Variants in TENM2 observed in about 807,000 individuals in gnomAD.
TENM2 encodes the protein teneurin-2.
A neutral mutation model predicts 245.2 loss-of-function variants in TENM2; 52 were observed. That is an observed-to-expected ratio of 0.21 (90% CI 0.17 to 0.27). The LOEUF (loss-of-function observed/expected upper bound fraction) is 0.27. TENM2 is among the 10% of genes least tolerant of loss of function. The pLI, the probability that TENM2 is intolerant of heterozygous loss-of-function variation, is 1.00. For missense variants in TENM2, 3,046 were observed against 3,666.8 expected (o/e 0.83, Z 4.37); for synonymous variants, 1,363 against 1,438.9 (o/e 0.95, Z 1.19).
At chr5:167,476,475 T>C (rs1244161208) in intron 2 of TENM2, among the ~76,000 whole-genome samples, 1 of 152,230 alleles carries the variant, frequency 6.6e-6, no homozygotes, top group Non-Finnish European at 1.5e-5. Context: ...CAGAAAGGTC[T>C]TGAAGTGTTG....
intron 2 of TENM2, among the ~76,000 whole-genome samples, chr5:167,584,212 A>C (rs1364612894): frequency 3.3e-5 from 5 of 152,242 alleles, no homozygotes; most frequent in Non-Finnish European, 4.4e-5. Context: ...GCATAGATTT[A>C]TTGAGACAAA....
At chr5:168,069,835 G>A (rs1185598830) in intron 7 of TENM2, among the ~76,000 whole-genome samples, 1 of 152,140 alleles carries the variant, frequency 6.6e-6, no homozygotes, top group Non-Finnish European at 1.5e-5. Context: ...ATCAAGTCAA[G>A]GAGAATGGTG....
At chr5:167,760,753 A>T (rs1762609736) in intron 2 of TENM2, among the ~76,000 whole-genome samples, 1 of 152,138 alleles carries the variant, frequency 6.6e-6, no homozygotes, top group Non-Finnish European at 1.5e-5. Context: ...TCCCAAGTTC[A>T]AGTGATTCTC....
chr5:167,520,932 C>CTT (rs374211778), intron 2 of TENM2, among the ~76,000 whole-genome samples: 3 of 130,522 alleles, frequency 2.3e-5, no homozygotes, highest in Non-Finnish European at 3.3e-5. Context: ...ATTCTTTTTC[C>CTT]TTTTTTTTTT....
intron 2 of TENM2, among the ~76,000 whole-genome samples, chr5:167,586,122 A>G (rs1027879963): frequency 2.0e-5 from 3 of 151,876 alleles, no homozygotes; most frequent in Non-Finnish European, 4.4e-5. Context: ...CAAACAAAAC[A>G]AAACAAAAAA....
chr5:167,821,630 C>T (rs1228292073), intron 2 of TENM2, among the ~76,000 whole-genome samples: 1 of 152,184 alleles, frequency 6.6e-6, no homozygotes, highest in African/African-American at 2.4e-5. Flanking sequence ...TATTTGGCTA[C>T]AGATTTGTTG....
exon 17 of TENM2, chr5:168,199,892 G>A (rs1431060222): frequency 1.2e-6 from 2 of 1,613,936 alleles, no homozygotes; most frequent in Non-Finnish European, 1.7e-6. Flanking sequence ...GAGCTCCCTG[G>A]TTCCAATGTG....
At chr5:167,806,978 C>T (rs890695698) in intron 2 of TENM2, among the ~76,000 whole-genome samples, 1 of 151,630 alleles carries the variant, frequency 6.6e-6, no homozygotes, top group Non-Finnish European at 1.5e-5. Context: ...TAACTGGGGG[C>T]TCAGTCACAA....
the TENM2 span, among the ~76,000 whole-genome samples, chr5:167,114,362 TA>T: frequency 6.6e-6 from 1 of 152,206 alleles, no homozygotes; most frequent in South Asian, 2.1e-4. Flanking sequence ...GATTTTAATT[TA>T]TTTGTGAAAA....
intron 2 of TENM2, among the ~76,000 whole-genome samples, chr5:167,649,405 A>C (rs1490830152): frequency 6.6e-6 from 1 of 152,114 alleles, no homozygotes; most frequent in Non-Finnish European, 1.5e-5. Context: ...CACACCTGAC[A>C]CCTTGCCTAG....
In TENM2 at chr5:167,826,077, C is replaced by T. The variant is rs574171117; in HGVS notation, c.503-49909C>T. 3.9e-5 allele frequency among the ~76,000 whole-genome samples: 6 copies of T among 152,164 alleles called. 1 individual carries two copies. The highest frequency in any genetic ancestry group is 1.4e-4 in the African/African-American group (6 of 41,502). Reference sequence around the variant, plus strand: ...CCAGTTGTAGAATTTGGCCTCTTACCCCTAGCATGTGCAAAAAAACAAACA... The same window carrying T: ...CCAGTTGTAGAATTTGGCCTCTTACTCCTAGCATGTGCAAAAAAACAAACA... On this transcript the variant is annotated intron_variant, in intron 2 of 28. Coordinates refer to ENST00000518659, the Ensembl canonical transcript of TENM2.
intron 2 of TENM2, among the ~76,000 whole-genome samples, chr5:167,399,944 A>G (rs1019962965): frequency 6.6e-6 from 1 of 152,170 alleles, no homozygotes; most frequent in African/African-American, 2.4e-5. Flanking sequence ...GAGCTCTTAC[A>G]TGGTATGATC....
chr5:168,232,624 G>A (rs1165515133), intron 25 of TENM2, among the ~76,000 whole-genome samples: 3 of 152,184 alleles, frequency 2.0e-5, no homozygotes, highest in Non-Finnish European at 4.4e-5. Flanking sequence ...GTCAGCTGAG[G>A]GGTGTGAGGG....
intron 2 of TENM2, among the ~76,000 whole-genome samples, chr5:167,612,348 C>T (rs570836454): frequency 2.6e-5 from 4 of 152,136 alleles, no homozygotes; most frequent in South Asian, 4.2e-4. Flanking sequence ...ACTCACCCAA[C>T]CCCCAAAGAT....
At chr5:167,505,568 G>A (rs557959679) in intron 2 of TENM2, among the ~76,000 whole-genome samples, 1 of 152,168 alleles carries the variant, frequency 6.6e-6, no homozygotes, top group African/African-American at 2.4e-5. Context: ...TAAACTTGTT[G>A]TTTTAAAATA....
chr5:167,565,716 AT>A (rs1773864386), intron 2 of TENM2, among the ~76,000 whole-genome samples: 1 of 152,208 alleles, frequency 6.6e-6, no homozygotes, highest in Non-Finnish European at 1.5e-5. Context: ...CGGTGAAGTA[AT>A]TTAGCTAATG....
the TENM2 span, among the ~76,000 whole-genome samples, chr5:167,054,438 A>T: frequency 6.6e-6 from 1 of 152,160 alleles, no homozygotes; most frequent in East Asian, 1.9e-4. Context: ...AACCCACTGA[A>T]TGATACCTTG....
At chr5:167,045,108 C>G in the TENM2 span, among the ~76,000 whole-genome samples, 95,506 of 151,992 alleles carry the variant, frequency 0.63, 32,084 homozygotes, top group African/African-American at 0.88. Context: ...CAGATGCAAG[C>G]CTGCATTTGA....
chr5:167,559,662 T>C (rs1424155324), intron 2 of TENM2, among the ~76,000 whole-genome samples: 8 of 152,318 alleles, frequency 5.3e-5, no homozygotes, highest in South Asian at 2.1e-4. Flanking sequence ...CCACAGCCAT[T>C]CATATCTCAG....
Sources: allele counts gnomAD v4.1 joint callset (sites outside exome capture counted in the v4.1 genomes callset), GRCh38; gene constraint gnomAD v4.1.1; transcripts MANE v1.5; gene names NCBI Gene and HGNC (gene_info 2026-07-23, HGNC 2026-07-21).